THSD4: variants seen among roughly 807,000 people sequenced by gnomAD.
THSD4 encodes the protein thrombospondin type-1 domain-containing protein 4.
THSD4 carries 69 observed loss-of-function variants against 119.0 expected under a neutral mutation model. The ratio of observed to expected loss-of-function variants is 0.58; its 90% CI spans 0.48 to 0.71. The LOEUF (loss-of-function observed/expected upper bound fraction) is 0.71, where lower values mean the gene tolerates loss of function less well. THSD4 is among the 30% of genes least tolerant of loss of function. The pLI is 0.00. For synonymous variants in THSD4, 524 were observed against 540.4 expected, an observed-to-expected ratio of 0.97 and a Z score of 0.42; for missense variants, 1,393 against 1,391.1, an observed-to-expected ratio of 1.00 and a Z score of -0.02.
At chr15:71,759,496 A>G (rs996651420) in intron 15 of THSD4, among the ~76,000 whole-genome samples, 2 of 152,236 alleles carry the variant, frequency 1.3e-5, no homozygotes, top group Non-Finnish European at 2.9e-5. Context: ...TGCTTGGGAT[A>G]TGGGAAACAC....
At chr15:71,491,270 G>C (rs78919630) in intron 7 of THSD4, among the ~76,000 whole-genome samples, 6,435 of 152,282 alleles carry the variant, frequency 0.042, 225 homozygotes, top group African/African-American at 0.099. Flanking sequence ...GCTATGGTTT[G>C]AGTGTTGATC....
chr15:71,198,884 A>C (rs1430587681), intron 3 of THSD4, among the ~76,000 whole-genome samples: 2 of 152,246 alleles, frequency 1.3e-5, no homozygotes, highest in Non-Finnish European at 2.9e-5. Flanking sequence ...TCAGAGCGAC[A>C]TTCCTTTTCA....
intron 7 of THSD4, among the ~76,000 whole-genome samples, chr15:71,621,126 A>G (rs75874666): frequency 6.6e-6 from 1 of 152,214 alleles, no homozygotes; most frequent in Non-Finnish European, 1.5e-5. Context: ...ATTGTTTCAC[A>G]TCTTAACATC....
intron 6 of THSD4, among the ~76,000 whole-genome samples, chr15:71,370,799 A>G (rs914589394): frequency 3.3e-5 from 5 of 152,148 alleles, no homozygotes; most frequent in African/African-American, 7.2e-5. Flanking sequence ...TATTAGGTCC[A>G]CTTGGTGCAG....
At chr15:71,434,724 G>A (rs1008413903) in intron 7 of THSD4, among the ~76,000 whole-genome samples, 3 of 152,092 alleles carry the variant, frequency 2.0e-5, no homozygotes, top group Admixed American at 6.5e-5. Context: ...TAAAAAAAGT[G>A]CAGTCTGAAT....
chr15:71,497,108 AT>A (rs2048029780), intron 7 of THSD4, among the ~76,000 whole-genome samples: 1 of 152,232 alleles, frequency 6.6e-6, no homozygotes, highest in South Asian at 2.1e-4. Context: ...AGTTTCTGAA[AT>A]TGTTGCACCC....
chr15:71,321,997 T>C (rs748235108), intron 6 of THSD4, among the ~76,000 whole-genome samples: 1 of 151,638 alleles, frequency 6.6e-6, no homozygotes, highest in Non-Finnish European at 1.5e-5. Context: ...AGGGAAAATG[T>C]AGAACTGAGT....
Position 71,777,460 on chromosome 15 carries a change from G to C in THSD4, c.*86G>C, listed in dbSNP as rs956697905. Reference sequence around the variant, plus strand: ...GCCTGGCTGGCTGCTGCTCCACCACGGGCCCCCTGGCCCAGGCGCTGCCAA... The same window carrying C: ...GCCTGGCTGGCTGCTGCTCCACCACCGGCCCCCTGGCCCAGGCGCTGCCAA... On this transcript the variant is annotated 3_prime_UTR_variant, in exon 18 of 18. Transcript: ENST00000261862. The C allele has an allele frequency of 6.6e-7, 1 of 1,514,308 alleles. No homozygotes were observed. Among genetic ancestry groups the C allele is most frequent in the Non-Finnish European group, 8.8e-7 (1 of 1,132,056 alleles). 93.8% of individuals were successfully genotyped at this position (1,514,308 alleles called of 1,614,324 possible). A position where few individuals can be genotyped will look rare whatever the true frequency, so the allele number is the denominator to read the frequency against.
At chr15:71,734,591 T>G (rs1017651563) in intron 10 of THSD4, among the ~76,000 whole-genome samples, 1 of 152,150 alleles carries the variant, frequency 6.6e-6, no homozygotes, top group African/African-American at 2.4e-5. Context: ...TGTGCACTTG[T>G]CCAGACCCAC....
At chr15:71,257,874 A>G (rs1167290793) in intron 6 of THSD4, among the ~76,000 whole-genome samples, 3 of 152,074 alleles carry the variant, frequency 2.0e-5, no homozygotes, top group Admixed American at 2.0e-4. Context: ...TCAAGCAGGA[A>G]GGATGTACAG....
At chr15:71,163,809 T>G (rs2043267119) in intron 3 of THSD4, among the ~76,000 whole-genome samples, 1 of 150,522 alleles carries the variant, frequency 6.6e-6, no homozygotes, top group Non-Finnish European at 1.5e-5. Flanking sequence ...CTGAGACTAA[T>G]GTCAACAAAA....
chr15:71,472,473 A>G (rs1204082328), intron 7 of THSD4, among the ~76,000 whole-genome samples: 1 of 152,116 alleles, frequency 6.6e-6, no homozygotes, highest in African/African-American at 2.4e-5. Context: ...CAAGACTTGG[A>G]CTGTCCCTGC....
chr15:71,102,108 G>A (rs2040256166), intron 1 of THSD4, among the ~76,000 whole-genome samples: 1 of 152,074 alleles, frequency 6.6e-6, no homozygotes, highest in South Asian at 2.1e-4. Flanking sequence ...TTAAATAATT[G>A]TTTCTCTACC....
rs184979124 is a variant in THSD4 at position 71,703,942 on chromosome 15, C to T, written c.1358-24607C>T. Among the ~76,000 whole-genome samples the T allele has an allele frequency of 2.8e-3, 430 of 152,294 alleles. 4 individuals are homozygous for T. Among genetic ancestry groups the T allele is most frequent in the African/African-American group, 9.6e-3 (400 of 41,550 alleles). Reference sequence around the variant, plus strand: ...TCTGCTCACCGCAGGCTCTGCCTCCCGGGTTCACGCCATTCTTCTGCCTCA... The same window carrying T: ...TCTGCTCACCGCAGGCTCTGCCTCCTGGGTTCACGCCATTCTTCTGCCTCA... On this transcript the variant is annotated intron_variant, in intron 8 of 17. Coordinates refer to ENST00000261862, the MANE Select transcript of THSD4 (RefSeq NM_024817.3).
intron 7 of THSD4, among the ~76,000 whole-genome samples, chr15:71,639,957 C>A (rs922209896): frequency 3.3e-5 from 5 of 151,930 alleles, no homozygotes; most frequent in South Asian, 4.2e-4. Context: ...ATACATCTTA[C>A]AATATATATT....
intron 7 of THSD4, among the ~76,000 whole-genome samples, chr15:71,631,531 A>T (rs2050628662): frequency 6.6e-6 from 1 of 152,180 alleles, no homozygotes; most frequent in Non-Finnish European, 1.5e-5. Context: ...GCTGGAAGGG[A>T]AGAGCTGGGG....
intron 7 of THSD4, among the ~76,000 whole-genome samples, chr15:71,628,613 G>A (rs2050553726): frequency 6.6e-6 from 1 of 152,206 alleles, no homozygotes; most frequent in Non-Finnish European, 1.5e-5. Context: ...CTGAGGTTCT[G>A]CATTTTTAAC....
At chr15:71,251,010 T>C (rs2044254309) in intron 5 of THSD4, among the ~76,000 whole-genome samples, 1 of 152,202 alleles carries the variant, frequency 6.6e-6, no homozygotes, top group African/African-American at 2.4e-5. Context: ...TCCAAAGCCT[T>C]TCCCCAACTC....
intron 7 of THSD4, among the ~76,000 whole-genome samples, chr15:71,539,032 C>T (rs2048723733): frequency 1.3e-5 from 2 of 152,206 alleles, no homozygotes; most frequent in Admixed American, 1.3e-4. Flanking sequence ...GCTGATCCAG[C>T]CAGGCTTTGG....
Sources: allele counts gnomAD v4.1 joint callset (sites outside exome capture counted in the v4.1 genomes callset), GRCh38; gene constraint gnomAD v4.1.1; transcripts MANE v1.5; gene names NCBI Gene and HGNC (gene_info 2026-07-23, HGNC 2026-07-21).